The following PLCB4 variants were observed in gnomAD, a reference collection of about 807,000 sequenced individuals.
PLCB4 encodes the protein phospholipase C beta 4.
Under a neutral mutation model 178.8 loss-of-function variants are expected in PLCB4, and 77 were observed. The observed-to-expected ratio is 0.43, with a 90% CI of 0.36 to 0.52. The LOEUF (loss-of-function observed/expected upper bound fraction) is 0.52. PLCB4 is among the 20% of genes least tolerant of loss of function. The pLI is 0.00. For synonymous variants in PLCB4, 496 were observed against 490.8 expected (o/e 1.01, Z -0.14); for missense variants, 1,024 against 1,453.4 (o/e 0.70, Z 4.80).
At chr20:9,160,093 G>A (rs561606487) in intron 2 of PLCB4, among the ~76,000 whole-genome samples, 15 of 152,322 alleles carry the variant, frequency 9.8e-5, no homozygotes, top group African/African-American at 3.6e-4. Flanking sequence ...CAGGACAGCA[G>A]GGTGAGCTGG....
chr20:9,162,135 T>G (rs566277755), intron 2 of PLCB4, among the ~76,000 whole-genome samples: 1 of 152,332 alleles, frequency 6.6e-6, no homozygotes, highest in South Asian at 2.1e-4. Context: ...TTGGCAGTGT[T>G]TATTAGAATG....
chr20:9,076,469 A>AAAAT (rs2089872378), intron 1 of PLCB4, among the ~76,000 whole-genome samples: 2 of 152,290 alleles, frequency 1.3e-5, no homozygotes, highest in East Asian at 1.9e-4. Flanking sequence ...TCTGTCTCAA[A>AAAAT]AAATAAATAA....
At chr20:9,133,000 C>T (rs921748893) in intron 2 of PLCB4, among the ~76,000 whole-genome samples, 4 of 152,122 alleles carry the variant, frequency 2.6e-5, no homozygotes, top group Non-Finnish European at 5.9e-5. Context: ...AGGAATTAAC[C>T]AGCCCAAAAT....
intron 2 of PLCB4, among the ~76,000 whole-genome samples, chr20:9,127,235 T>C (rs1167853242): frequency 3.3e-5 from 5 of 152,106 alleles, no homozygotes; most frequent in African/African-American, 1.2e-4. Flanking sequence ...AGGCAGCAGG[T>C]CCGGGAGCCT....
chr20:9,149,372 T>C (rs780173389), intron 2 of PLCB4, among the ~76,000 whole-genome samples: 22 of 152,300 alleles, frequency 1.4e-4, no homozygotes, highest in Non-Finnish European at 2.8e-4. Context: ...TGCTTCACTG[T>C]CCCTCTGTGG....
At chr20:9,437,501 A>G (rs551388282) in intron 30 of PLCB4, among the ~76,000 whole-genome samples, 1 of 152,222 alleles carries the variant, frequency 6.6e-6, no homozygotes, top group Admixed American at 6.5e-5. Context: ...GAAACAAAAG[A>G]TCATTAAGAG....
intron 1 of PLCB4, among the ~76,000 whole-genome samples, chr20:9,081,050 C>G (rs910991973): frequency 2.0e-5 from 3 of 152,166 alleles, no homozygotes; most frequent in Admixed American, 6.5e-5. Flanking sequence ...TTCAGTCTCT[C>G]TATACTGTCT....
chr20:9,188,806 G>A (rs1379197097), intron 2 of PLCB4, among the ~76,000 whole-genome samples: 3 of 119,540 alleles, frequency 2.5e-5, no homozygotes, highest in Non-Finnish European at 4.9e-5. Flanking sequence ...GTGGAGGGCT[G>A]TCATATAGTG....
intron 3 of PLCB4, among the ~76,000 whole-genome samples, chr20:9,298,262 CA>C (rs1437903809): frequency 1.3e-5 from 2 of 152,044 alleles, no homozygotes; most frequent in African/African-American, 2.4e-5. Context: ...CATTCTTTAT[CA>C]AAACTAAACA....
intron 7 of PLCB4, among the ~76,000 whole-genome samples, chr20:9,342,405 A>G (rs763562780): frequency 6.6e-6 from 1 of 152,214 alleles, no homozygotes; most frequent in Non-Finnish European, 1.5e-5. Flanking sequence ...CTAGGAGCCT[A>G]GAATCAGGGG....
At chr20:9,082,987 A>G (rs535071637) in intron 1 of PLCB4, among the ~76,000 whole-genome samples, 1 of 152,344 alleles carries the variant, frequency 6.6e-6, no homozygotes, top group African/African-American at 2.4e-5. Context: ...TATTATAAAC[A>G]TGGCAGACCA....
intron 24 of PLCB4, 141 bp downstream of exon 24, chr20:9,409,322 A>C: frequency 5.7e-6 from 3 of 524,808 alleles, no homozygotes; most frequent in East Asian, 3.5e-5. Context: ...GATTTATATA[A>C]TGGTGAGAAA....
chr20:9,395,604 AGGAGAT>A lies in PLCB4; in HGVS notation c.1497_1502del (p.Glu499_Ile501delinsAsp). 6.2e-7 allele frequency: 1 copy of A among 1,608,964 alleles called. No homozygotes were observed. The highest frequency in any genetic ancestry group is 8.5e-7 in the Non-Finnish European group (1 of 1,175,624). Reference sequence around the variant, plus strand: ...AACATCTTAGAGGACGATAATGAAGAGGAGATCGAAAGTGGTGAGCTGTTTGCTTTT... The same window carrying A: ...AACATCTTAGAGGACGATAATGAAGACGAAAGTGGTGAGCTGTTTGCTTTT... On this transcript the variant is annotated inframe_deletion, in exon 19 of 40. Transcript: ENST00000378473.
chr20:9,405,337 A>G lies in PLCB4; in HGVS notation c.1636A>G (p.Asn546Asp). Residue 546 changes from asparagine to aspartate, a missense_variant, in exon 21 of 40, where the codon AAC becomes GAC. Transcript: ENST00000378473. ...KKASDDLEHE[N>D]NKKGLVTVED... ...GGCTTCAGATGACCTTGAACATGAA[A>G]ACAACAAAAAGGTAACAAAATAATT... 6.5e-7 allele frequency: 1 copy of G among 1,543,438 alleles called. No individual in the cohort carries two copies. Among genetic ancestry groups the G allele is most frequent in the Non-Finnish European group, 8.8e-7 (1 of 1,134,144 alleles).
intron 7 of PLCB4, among the ~76,000 whole-genome samples, chr20:9,345,166 G>T (rs2033665114): frequency 6.6e-6 from 1 of 152,160 alleles, no homozygotes; most frequent in Non-Finnish European, 1.5e-5. Context: ...TCCAGCCTGG[G>T]CGACAAGAGT....
intron 18 of PLCB4, among the ~76,000 whole-genome samples, chr20:9,394,988 G>T (rs1178935771): frequency 1.3e-5 from 2 of 152,168 alleles, no homozygotes; most frequent in East Asian, 3.9e-4. Context: ...TTGTCCCTAT[G>T]TGTTTTCCCA....
chr20:9,319,750 A>G (rs1215338722), intron 4 of PLCB4, among the ~76,000 whole-genome samples: 1 of 152,198 alleles, frequency 6.6e-6, no homozygotes. Flanking sequence ...TGTATTCGGC[A>G]GATCTTCTTT....
intron 3 of PLCB4, among the ~76,000 whole-genome samples, chr20:9,262,458 A>G (rs1313084562): frequency 1.3e-5 from 2 of 152,202 alleles, no homozygotes; most frequent in Non-Finnish European, 1.5e-5. Flanking sequence ...AAGGAAGAGC[A>G]TGGAGGATGA....
chr20:9,070,502 C>G (rs1414683717), intron 1 of PLCB4, among the ~76,000 whole-genome samples: 1 of 152,144 alleles, frequency 6.6e-6, no homozygotes, highest in Non-Finnish European at 1.5e-5. Context: ...CCCTCACTAT[C>G]TGTGTTATGT....
Sources: allele counts gnomAD v4.1 joint callset (sites outside exome capture counted in the v4.1 genomes callset), GRCh38; gene constraint gnomAD v4.1.1; transcripts MANE v1.5; gene names NCBI Gene and HGNC (gene_info 2026-07-23, HGNC 2026-07-21).